Variants in OTOF observed in about 807,000 individuals in gnomAD.
OTOF encodes the protein otoferlin.
Under a neutral mutation model 236.8 loss-of-function variants are expected in OTOF, and 218 were observed. The ratio of observed to expected loss-of-function variants is 0.92; its 90% CI spans 0.82 to 1.03. The LOEUF is 1.03. Ranked by LOEUF, OTOF falls within the 50% of genes least tolerant of loss-of-function variation. The pLI, the probability that OTOF is intolerant of heterozygous loss-of-function variation, is 0.00. For synonymous variants in OTOF, 1,041 were observed against 1,072.5 expected (o/e 0.97, Z 0.57); for missense variants, 2,590 against 2,694.4 (o/e 0.96, Z 0.86).
rs542553271 is a variant in OTOF, at chr2:26,530,102, G to A, written c.139-2182C>T. 2.0e-5 allele frequency among the ~76,000 whole-genome samples: 3 copies of A among 152,214 alleles called. No individual in the cohort carries two copies. In the South Asian group the frequency reaches 6.2e-4, roughly 32 times the overall value. ...AGGAGCCACCGAGATTTGGTTTACTGGGGATGAAGAGGGGAGGGGTGATTG... is the reference window on the plus strand; with the variant it reads ...AGGAGCCACCGAGATTTGGTTTACTAGGGATGAAGAGGGGAGGGGTGATTG... On this transcript the variant is annotated intron_variant, in intron 2 of 46. Transcript: ENST00000272371.
In OTOF at chr2:26,478,012, TGAGCTCA is replaced by T. The variant is rs1572432394; in HGVS notation, c.2215-270_2215-264del. On this transcript the variant is annotated intron_variant, in intron 18 of 46. Transcript: ENST00000272371. ...CTGGGCTGTGAGTCTGTGGCTCTGG[TGAGCTCA>T]CAGGGCCTGGGCAGAACTCACGGCT... 9.9e-5 allele frequency: 144 copies of T among 1,448,630 alleles called. No individual in the cohort carries two copies. In the South Asian group the frequency reaches 1.2e-3, roughly 12 times the overall value. 89.7% of individuals were successfully genotyped at this position (1,448,630 alleles called of 1,614,324 possible).
Position 26,463,555 on chromosome 2 carries a change from C to T in OTOF, c.5120G>A (p.Trp1707Ter). 1 of 1,606,128 alleles carries T rather than the reference C, an allele frequency of 6.2e-7. No homozygotes were observed. Among genetic ancestry groups the T allele is most frequent in the Non-Finnish European group, 8.5e-7 (1 of 1,176,586 alleles). The change falls in exon 41 of 47, where the codon TGG (tryptophan) becomes TAG (stop). Residue 1707 changes from tryptophan (W) to a stop codon, truncating the protein, a stop_gained. Coordinates refer to ENST00000272371, the MANE Select transcript of OTOF (RefSeq NM_194248.3). LOFTEE classifies it high-confidence loss of function. Reference protein sequence around the residue: ...PGIEQGRLELWVDMFPMDMPA... With the variant: ...PGIEQGRLEL ...CATGTCCATGGGGAACATGTCCACC[C>T]ACAGCTCCAGGCGGCCCTGAGGAAG...
In OTOF at chr2:26,461,940, G is replaced by T; in HGVS notation, c.5292-3C>A. ...CCTCCTGCTGGCCCTTCAGCCACCT[G>T]TGGGCGCCACATCTCCAGACCCGCA... is the stretch of plus-strand genomic sequence containing the variant. On this transcript the variant is annotated splice_polypyrimidine_tract_variant and splice_region_variant and intron_variant, in intron 42 of 46. Coordinates refer to ENST00000272371, the MANE Select transcript of OTOF (RefSeq NM_194248.3). This position sits in a 1 kb window ranked among gnomAD's most constrained non-coding sequence, Gnocchi z 6.2. The T allele has an allele frequency of 6.2e-7, 1 of 1,614,026 alleles. No homozygotes were observed. Among genetic ancestry groups the T allele is most frequent in the Non-Finnish European group, 8.5e-7 (1 of 1,179,998 alleles).
intron 40 of OTOF, 150 bp downstream of exon 40, chr2:26,463,814 A>G: frequency 9.2e-7 from 1 of 1,085,496 alleles, no homozygotes; most frequent in Admixed American, 1.8e-5. Flanking sequence ...CATTCAAGTT[A>G]CCCTGAGGGG....
rs4665867 is a variant in OTOF, at chr2:26,516,136, C to T, written c.509+282G>A. 0.89 allele frequency among the ~76,000 whole-genome samples: 135,466 copies of T among 152,230 alleles called. 60,494 individuals carry two copies. The highest frequency in any genetic ancestry group is 0.95 in the Middle Eastern group (278 of 294). On this transcript the variant is annotated intron_variant, in intron 5 of 46. Transcript: ENST00000272371. ...CTCTGAGAAAGGCAGGAGATCTAGC[C>T]CCATCCCTGTGTTAGAGCTCCACCT...
chr2:26,546,971 T>C (rs1240042324), intron 1 of OTOF, among the ~76,000 whole-genome samples: 3 of 152,218 alleles, frequency 2.0e-5, no homozygotes, highest in Admixed American at 2.0e-4. Flanking sequence ...ACTTCTTCCT[T>C]TCCAATCTGT....
At chr2:26,499,158 C>T (rs912865643) in intron 8 of OTOF, among the ~76,000 whole-genome samples, 1 of 152,062 alleles carries the variant, frequency 6.6e-6, no homozygotes, top group Admixed American at 6.6e-5. Flanking sequence ...AAGTGCCAAG[C>T]GTTGCTCACT....
At chr2:26,510,646 G>A (rs1053667777) in intron 5 of OTOF, 3 of 1,134,212 alleles carry the variant, frequency 2.6e-6, no homozygotes, top group Admixed American at 2.3e-5. Context: ...AGCCTGTGGG[G>A]AGGAGGCCTC....
intron 3 of OTOF, among the ~76,000 whole-genome samples, chr2:26,524,093 G>A (rs1399799982): frequency 6.6e-6 from 1 of 152,270 alleles, no homozygotes; most frequent in East Asian, 1.9e-4. Flanking sequence ...CTCCCACCAG[G>A]CCTGGGCCTC....
intron 5 of OTOF, among the ~76,000 whole-genome samples, chr2:26,508,557 C>T (rs780306401): frequency 4.6e-5 from 7 of 152,222 alleles, no homozygotes; most frequent in Non-Finnish European, 1.0e-4. Context: ...GAAGCTGGCT[C>T]TTCAGTTCTT....
chr2:26,503,648 G>C lies in OTOF; in HGVS notation c.583+124C>G, dbSNP rs1666175083. On this transcript the variant is annotated intron_variant, in intron 6 of 46. Coordinates refer to ENST00000272371, the MANE Select transcript of OTOF (RefSeq NM_194248.3). ...TTCCTAGAGGGCCACGCATCACTGG[G>C]TGGGGCCTGGCCCTGGGACGACCTA... is the stretch of plus-strand genomic sequence containing the variant. 3.6e-6 allele frequency: 3 copies of C among 834,406 alleles called. No homozygotes were observed. The Admixed American group carries it at 5.4e-5, about 15-fold the overall frequency. The allele number at this position is 834,406 out of a possible 1,614,324, so 51.7% of individuals were successfully genotyped here.
intron 5 of OTOF, among the ~76,000 whole-genome samples, chr2:26,507,570 C>T (rs923306811): frequency 5.9e-5 from 9 of 152,114 alleles, no homozygotes; most frequent in African/African-American, 2.2e-4. Context: ...AAGTAAAATT[C>T]TGCATTTGGT....
intron 1 of OTOF, among the ~76,000 whole-genome samples, chr2:26,551,888 G>T (rs976757436): frequency 6.6e-6 from 1 of 152,024 alleles, no homozygotes; most frequent in Non-Finnish European, 1.5e-5. Flanking sequence ...TTATAACTGT[G>T]TACTGAATAT....
intron 30 of OTOF, 126 bp from the exon 31 acceptor site, chr2:26,471,276 C>A (rs1664964386): frequency 9.7e-7 from 1 of 1,028,028 alleles, no homozygotes; most frequent in African/African-American, 1.6e-5. Flanking sequence ...AGCCCCTGTG[C>A]CCGCAAGGCC....
intron 2 of OTOF, among the ~76,000 whole-genome samples, chr2:26,535,035 C>T (rs1187488902): frequency 6.6e-6 from 1 of 152,216 alleles, no homozygotes; most frequent in Non-Finnish European, 1.5e-5. Context: ...CTGGGCTGAC[C>T]CAGGCCTCCG....
chr2:26,525,536 G>A (rs149405536), intron 3 of OTOF, among the ~76,000 whole-genome samples: 2,225 of 152,352 alleles, frequency 0.015, 21 homozygotes, highest in Middle Eastern at 0.034. Context: ...CCTTCTGGGA[G>A]GGTAGGGGCA....
chr2:26,473,475 C>T lies in OTOF; in HGVS notation c.3501G>A (p.Val1167=), dbSNP rs147574223. The T allele has an allele frequency of 7.4e-6, 12 of 1,613,140 alleles. No individual in the cohort carries two copies. The highest frequency in any genetic ancestry group is 5.3e-5 in the African/African-American group (4 of 74,906). ...RVDIECAGKG[V]QSSLIHNYKK... ...TATAATTGTGGATCAGGGACGACTG[C>T]ACCCCCTTCCCTGCACACTCGATGT... Residue 1167 remains valine (V), a synonymous_variant, in exon 28 of 47, where the codon GTG becomes GTA. Coordinates refer to ENST00000272371, the MANE Select transcript of OTOF (RefSeq NM_194248.3). This position sits in a 1 kb window ranked among gnomAD's most constrained non-coding sequence, Gnocchi z 7.2.
intron 1 of OTOF, among the ~76,000 whole-genome samples, chr2:26,542,870 G>A (rs774373613): frequency 2.0e-5 from 3 of 152,200 alleles, no homozygotes; most frequent in Non-Finnish European, 2.9e-5. Context: ...CAAGGACGTC[G>A]TGATTTTGCC....
Position 26,475,926 on chromosome 2 carries a change from A to T in OTOF, c.2979T>A (p.Ser993Arg). The T allele has an allele frequency of 6.2e-7, 1 of 1,608,408 alleles. No individual in the cohort carries two copies. Among genetic ancestry groups the T allele is most frequent in the Admixed American group, 1.7e-5 (1 of 59,540 alleles). The change falls in exon 24 of 47, where the codon AGT becomes AGA. Residue 993 changes from serine to arginine, a missense_variant. Transcript: ENST00000272371. ...CCCAGGCCCTCACCTCTGTGCACTG[A>T]CTCTGATTGATGAAGAAGACGCGGG... is the stretch of plus-strand genomic sequence containing the variant. ...PFARVFFINQ[S>R]QCTEVLNETL... is the part of the protein sequence containing the mutation.
Sources: allele counts gnomAD v4.1 joint callset (sites outside exome capture counted in the v4.1 genomes callset), GRCh38; gene constraint gnomAD v4.1.1; non-coding constraint Gnocchi (gnomAD v3.1); transcripts MANE v1.5; gene names NCBI Gene and HGNC (gene_info 2026-07-23, HGNC 2026-07-21).